PLXNC1: variants seen among roughly 807,000 people sequenced by gnomAD.
PLXNC1 encodes plexin-C1.
Under a neutral mutation model 178.2 loss-of-function variants are expected in PLXNC1, and 75 were observed. The ratio of observed to expected loss-of-function variants is 0.42; its 90% CI spans 0.35 to 0.51. PLXNC1 has a LOEUF of 0.51. Ranked by LOEUF, PLXNC1 falls within the 20% of genes least tolerant of loss-of-function variation. PLXNC1 has a pLI of 0.02. For missense variants in PLXNC1, 1,503 were observed against 1,984.4 expected, an observed-to-expected ratio of 0.76 and a Z score of 4.61; for synonymous variants, 790 against 779.9, an observed-to-expected ratio of 1.01 and a Z score of -0.22.
At position 94,238,432 on chromosome 12, in the gene PLXNC1, GAGAA is replaced by G. The variant is rs576847578; in HGVS notation, c.2120+633_2120+636del. Among the ~76,000 whole-genome samples the G allele has an allele frequency of 9.2e-4, 139 of 151,628 alleles. 1 individual carries two copies. In the South Asian group the frequency reaches 0.027, roughly 29 times the overall value. On this transcript the variant is annotated intron_variant, in intron 10 of 30. Coordinates refer to ENST00000258526, the MANE Select transcript of PLXNC1 (RefSeq NM_005761.3). ...AAACTCATCACATCGGTGAAACTTGGAGAAAGACTTTTCAATTTCTACCGATGTC... is the reference window on the plus strand; with the variant it reads ...AAACTCATCACATCGGTGAAACTTGGAGACTTTTCAATTTCTACCGATGTC...
intron 23 of PLXNC1, among the ~76,000 whole-genome samples, chr12:94,288,137 G>A (rs1034625114): frequency 6.6e-6 from 1 of 152,236 alleles, no homozygotes; most frequent in Non-Finnish European, 1.5e-5. Flanking sequence ...CCTGATTGAG[G>A]AGAAATCCTG....
chr12:94,218,213 C>G (rs976427263), intron 5 of PLXNC1, among the ~76,000 whole-genome samples: 1 of 152,120 alleles, frequency 6.6e-6, no homozygotes, highest in African/African-American at 2.4e-5. Flanking sequence ...TCAGAATTCC[C>G]TAAAGATAAT....
At chr12:94,171,842 A>G (rs1961857108) in intron 2 of PLXNC1, among the ~76,000 whole-genome samples, 1 of 151,762 alleles carries the variant, frequency 6.6e-6, no homozygotes, top group Non-Finnish European at 1.5e-5. Flanking sequence ...CCAAGCCCCC[A>G]ATAAGAGAGA....
chr12:94,167,101 G>A (rs567304923), intron 1 of PLXNC1, among the ~76,000 whole-genome samples: 4 of 152,128 alleles, frequency 2.6e-5, no homozygotes, highest in Non-Finnish European at 5.9e-5. Context: ...GAAGGACACC[G>A]GGAAAGGTGA....
intron 6 of PLXNC1, among the ~76,000 whole-genome samples, chr12:94,222,302 G>A (rs1963818465): frequency 6.6e-6 from 1 of 152,118 alleles, no homozygotes; most frequent in Admixed American, 6.5e-5. Flanking sequence ...TTCTGAACGG[G>A]CAAACAAATT....
In PLXNC1 at chr12:94,306,471, A is replaced by AT. The variant is rs1271563132; in HGVS notation, c.*1192dup. 1 of 152,126 alleles carries AT rather than the reference A, an allele frequency of 6.6e-6. No individual in the cohort carries two copies. Among genetic ancestry groups the AT allele is most frequent in the Non-Finnish European group, 1.5e-5 (1 of 68,016 alleles). 9.4% of individuals were successfully genotyped at this position (152,126 alleles called of 1,614,324 possible). A position where few individuals can be genotyped will look rare whatever the true frequency, so the allele number is the denominator to read the frequency against. ...TTATACTGTAGTCTTTTTAGTGCTG[A>AT]TTTTTTAATTCCTGAATTTTTGCTG... On this transcript the variant is annotated 3_prime_UTR_variant, in exon 31 of 31. Coordinates refer to ENST00000258526, the MANE Select transcript of PLXNC1 (RefSeq NM_005761.3).
Position 94,209,626 on chromosome 12 carries a change from CT to C in PLXNC1, c.1478del (p.Leu493Ter). 6.2e-7 allele frequency: 1 copy of C among 1,608,822 alleles called. No individual in the cohort carries two copies. The highest frequency in any genetic ancestry group is 1.1e-5 in the South Asian group (1 of 91,022). On this transcript the variant is annotated frameshift_variant, in exon 5 of 31. Transcript: ENST00000258526. LOFTEE classifies it high-confidence loss of function. ...FQGDCVHSEN[L>X]ENWLDISSGA... Reference sequence around the variant, plus strand: ...AAGGAGATTGTGTACATTCAGAGAACTTAGAAAACTGGCTGGATATTTCGTC... The same window carrying C: ...AAGGAGATTGTGTACATTCAGAGAACTAGAAAACTGGCTGGATATTTCGTC...
Position 94,149,702 on chromosome 12 carries a change from TCTACTTCCC to T in PLXNC1, c.737_745del (p.Phe246_Tyr248del), listed in dbSNP as rs749484286. 1 of 1,612,188 alleles carries T rather than the reference TCTACTTCCC, an allele frequency of 6.2e-7. No individual in the cohort carries two copies. The highest frequency in any genetic ancestry group is 1.3e-5 in the African/African-American group (1 of 74,986). On this transcript the variant is annotated inframe_deletion, in exon 1 of 31. Coordinates refer to ENST00000258526, the MANE Select transcript of PLXNC1 (RefSeq NM_005761.3). ...GACGCCTTTCTCTGGAACGGCAGCA[TCTACTTCCC>T]CTACTACCCCTACAACTACACGAGC...
At chr12:94,194,382 C>T (rs931763186) in intron 4 of PLXNC1, among the ~76,000 whole-genome samples, 2 of 152,212 alleles carry the variant, frequency 1.3e-5, no homozygotes, top group African/African-American at 4.8e-5. Flanking sequence ...AGAATCTGGG[C>T]TTTGTGTGAC....
Position 94,300,896 on chromosome 12 carries a change from C to T in PLXNC1, c.4239-14C>T. ...TGGCCCTATTTGAAAAGAGATTATTCTCTCTTTGAACAGCCTTCCTCTTCG... is the reference window on the plus strand; with the variant it reads ...TGGCCCTATTTGAAAAGAGATTATTTTCTCTTTGAACAGCCTTCCTCTTCG... On this transcript the variant is annotated splice_polypyrimidine_tract_variant and intron_variant, in intron 27 of 30. Coordinates refer to ENST00000258526, the MANE Select transcript of PLXNC1 (RefSeq NM_005761.3). 8 of 1,602,272 alleles carry T rather than the reference C, an allele frequency of 5.0e-6. No individual in the cohort carries two copies. The highest frequency in any genetic ancestry group is 6.8e-6 in the Non-Finnish European group (8 of 1,171,430).
rs1480389325 is a variant in PLXNC1 at position 94,232,389 on chromosome 12, C to CCAT, written c.1980+5155_1980+5156insATC. Among the ~76,000 whole-genome samples, 18 of 152,214 alleles carry CCAT rather than the reference C, an allele frequency of 1.2e-4. No individual in the cohort carries two copies. In the South Asian group the frequency reaches 2.3e-3, roughly 19 times the overall value. ...CAGGCATGAGCCACCGCACCCGGCC[C>CCAT]CTCCATCACTTTTGAATATGCATTT... On this transcript the variant is annotated intron_variant, in intron 9 of 30. Coordinates refer to ENST00000258526, the MANE Select transcript of PLXNC1 (RefSeq NM_005761.3).
At chr12:94,176,691 G>A (rs938919873) in intron 2 of PLXNC1, among the ~76,000 whole-genome samples, 13 of 152,060 alleles carry the variant, frequency 8.5e-5, no homozygotes, top group Non-Finnish European at 1.5e-4. Flanking sequence ...GACTTCCAAG[G>A]CAACCAATGA....
At chr12:94,270,498 T>A (rs1262508289) in intron 21 of PLXNC1, among the ~76,000 whole-genome samples, 2 of 152,150 alleles carry the variant, frequency 1.3e-5, no homozygotes, top group Non-Finnish European at 2.9e-5. Flanking sequence ...TTGGCCTCTT[T>A]CCTCCCCTTC....
chr12:94,276,727 G>A (rs564070186), intron 21 of PLXNC1, among the ~76,000 whole-genome samples: 1 of 152,304 alleles, frequency 6.6e-6, no homozygotes, highest in East Asian at 1.9e-4. Flanking sequence ...TCACATGTTG[G>A]TTCCTTCTAG....
Position 94,173,342 on chromosome 12 carries a change from C to T in PLXNC1, c.1203+4049C>T, listed in dbSNP as rs145451317. ...CAAAGGCAGAATTGCATATTTTGAG[C>T]TTTTCCAGGTGGTAAAGTAAGTAAT... On this transcript the variant is annotated intron_variant, in intron 2 of 30. Coordinates refer to ENST00000258526, the MANE Select transcript of PLXNC1 (RefSeq NM_005761.3). Among the ~76,000 whole-genome samples the T allele has an allele frequency of 6.5e-4, 99 of 152,304 alleles. 2 individuals carry two copies. Among genetic ancestry groups the T allele is most frequent in the African/African-American group, 2.3e-3 (94 of 41,574 alleles).
At chr12:94,298,867 A>G in intron 27 of PLXNC1, 72 bp downstream of exon 27, 1 of 1,394,308 alleles carries the variant, frequency 7.2e-7, no homozygotes, top group Non-Finnish European at 9.9e-7. Context: ...AAAGACATAG[A>G]TAGTTATAGA....
intron 11 of PLXNC1, among the ~76,000 whole-genome samples, chr12:94,243,071 C>G (rs934339160): frequency 6.6e-6 from 1 of 152,254 alleles, no homozygotes; most frequent in Non-Finnish European, 1.5e-5. Flanking sequence ...ACGCTTGGCT[C>G]GGTTTTCTGG....
intron 21 of PLXNC1, among the ~76,000 whole-genome samples, chr12:94,268,168 TAG>T (rs1287707085): frequency 6.6e-6 from 1 of 152,204 alleles, no homozygotes; most frequent in Non-Finnish European, 1.5e-5. Context: ...GCACCTCATA[TAG>T]CAATCTAAAA....
chr12:94,291,536 A>G (rs1460246858), intron 23 of PLXNC1, among the ~76,000 whole-genome samples: 1 of 152,210 alleles, frequency 6.6e-6, no homozygotes, highest in African/African-American at 2.4e-5. Context: ...CAGCCAAAAT[A>G]TAATTCATAT....
Sources: gnomAD v4.1 joint callset for allele counts (sites outside exome capture counted in the v4.1 genomes callset) on GRCh38, gnomAD v4.1.1 for gene constraint, MANE v1.5 for transcripts, NCBI Gene and HGNC (gene_info 2026-07-23, HGNC 2026-07-21) for gene names.